Variants in CNNM2 observed in about 807,000 individuals in gnomAD.
CNNM2 encodes the protein cyclin and CBS domain divalent metal cation transport mediator 2.
In CNNM2, 12 loss-of-function variants were observed where a neutral mutation model predicts 66.9. That is an observed-to-expected ratio of 0.18 (90% confidence interval 0.11 to 0.29). The LOEUF (loss-of-function observed/expected upper bound fraction) is 0.29. CNNM2 is among the 10% of genes least tolerant of loss of function. The probability of loss-of-function intolerance (pLI) is 1.00; values close to 1 mark genes in which losing one functional copy is unlikely to be tolerated. For missense variants in CNNM2, 705 were observed against 1,167.7 expected (o/e 0.60, Z 5.77); for synonymous variants, 557 against 501.8 (o/e 1.11, Z -1.47).
intron 1 of CNNM2, among the ~76,000 whole-genome samples, chr10:102,936,302 TG>T (rs1303410466): frequency 2.0e-5 from 3 of 152,224 alleles, no homozygotes; most frequent in African/African-American, 7.2e-5. Flanking sequence ...CAAGATAGCA[TG>T]CTTTCTTATC....
intron 1 of CNNM2, among the ~76,000 whole-genome samples, chr10:103,014,919 C>T (rs1161093697): frequency 6.6e-6 from 1 of 151,932 alleles, no homozygotes; most frequent in Non-Finnish European, 1.5e-5. Context: ...ATAAACTTGA[C>T]TAGAATTCCT....
At position 102,919,601 on chromosome 10, in the gene CNNM2, A is replaced by G; in HGVS notation, c.1121A>G (p.Asn374Ser). 2 of 1,613,800 alleles carry G rather than the reference A, an allele frequency of 1.2e-6. No homozygotes were observed. Among genetic ancestry groups the G allele is most frequent in the Non-Finnish European group, 1.7e-6 (2 of 1,180,036 alleles). The stretch of plus-strand genomic sequence containing the variant: ...CGGCATGGCCTGGCTGTGGGGGCCA[A>G]CACCATCTTCCTCACCAAGTTTTTC... ...CSRHGLAVGA[N>S]TIFLTKFFMM... is the part of the protein sequence containing the mutation. The change falls in exon 1 of 8, where the codon AAC (asparagine) becomes AGC (serine). Residue 374 changes from asparagine (N) to serine (S), a missense_variant. Physicochemically the swap from Asn to Ser is conservative, Grantham distance 46 (BLOSUM62 1). Coordinates refer to ENST00000369878, the MANE Select transcript of CNNM2 (RefSeq NM_017649.5).
Position 103,077,708 on chromosome 10 carries a change from G to A in CNNM2, c.*528G>A, listed in dbSNP as rs3740388. The A allele has an allele frequency of 4.1e-3, 642 of 157,568 alleles. 18 individuals carry two copies. In the East Asian group the frequency reaches 0.07, roughly 17 times the overall value. 9.8% of individuals were successfully genotyped at this position (157,568 alleles called of 1,614,324 possible). ...CCCAGTGGGCATCACCGTCGATCTC[G>A]CTGGCTGAATGAAGAAGACCGTGTT... On this transcript the variant is annotated 3_prime_UTR_variant, in exon 8 of 8. Coordinates refer to ENST00000369878, the MANE Select transcript of CNNM2 (RefSeq NM_017649.5).
At chr10:102,998,829 A>C (rs1400552211) in intron 1 of CNNM2, among the ~76,000 whole-genome samples, 1 of 152,146 alleles carries the variant, frequency 6.6e-6, no homozygotes, top group Non-Finnish European at 1.5e-5. Flanking sequence ...AAGACAAACA[A>C]AAAAACCTAT....
chr10:103,011,182 C>T (rs1278416172), intron 1 of CNNM2, among the ~76,000 whole-genome samples: 1 of 152,180 alleles, frequency 6.6e-6, no homozygotes, highest in Non-Finnish European at 1.5e-5. Flanking sequence ...CGGCCGGGCA[C>T]AGTGGCTCAT....
chr10:102,940,006 A>AC (rs1564813431), intron 1 of CNNM2, among the ~76,000 whole-genome samples: 10 of 119,340 alleles, frequency 8.4e-5, no homozygotes, highest in African/African-American at 2.1e-4. Flanking sequence ...ACAACAAAAA[A>AC]AAAACCGCCA....
intron 1 of CNNM2, among the ~76,000 whole-genome samples, chr10:102,999,165 G>T (rs2064064163): frequency 6.6e-6 from 1 of 151,722 alleles, no homozygotes; most frequent in South Asian, 2.1e-4. Context: ...CCGCCTCCTG[G>T]GTTCACGCCA....
chr10:103,035,250 T>C (rs1274953626), intron 1 of CNNM2, among the ~76,000 whole-genome samples: 1 of 152,138 alleles, frequency 6.6e-6, no homozygotes, highest in Non-Finnish European at 1.5e-5. Context: ...ACAGAAATAG[T>C]CTCATTGGTT....
At chr10:102,995,624 C>G (rs2063983019) in intron 1 of CNNM2, among the ~76,000 whole-genome samples, 1 of 145,986 alleles carries the variant, frequency 6.8e-6, no homozygotes. Flanking sequence ...TTAGATGCCC[C>G]TAGTTTACAA....
intron 1 of CNNM2, among the ~76,000 whole-genome samples, chr10:102,946,031 A>C (rs1196662312): frequency 6.6e-6 from 1 of 152,050 alleles, no homozygotes; most frequent in Non-Finnish European, 1.5e-5. Context: ...GCTTCCATAA[A>C]TATTTGATCT....
intron 1 of CNNM2, among the ~76,000 whole-genome samples, chr10:103,036,548 T>G (rs2064942492): frequency 6.6e-6 from 1 of 152,226 alleles, no homozygotes; most frequent in South Asian, 2.1e-4. Flanking sequence ...AAAATCATCC[T>G]GCCACAGGTG....
intron 2 of CNNM2, among the ~76,000 whole-genome samples, chr10:103,052,416 T>C (rs2065231122): frequency 6.6e-6 from 1 of 152,214 alleles, no homozygotes; most frequent in Admixed American, 6.5e-5. Context: ...TATACAAATG[T>C]TAGTTTAACT....
At chr10:102,974,362 C>T (rs1014923244) in intron 1 of CNNM2, among the ~76,000 whole-genome samples, 2 of 152,038 alleles carry the variant, frequency 1.3e-5, no homozygotes, top group African/African-American at 2.4e-5. Flanking sequence ...TTTGACTGGA[C>T]GAATGTAGAT....
intron 1 of CNNM2, among the ~76,000 whole-genome samples, chr10:102,995,293 A>G (rs892059177): frequency 3.5e-5 from 5 of 143,808 alleles, no homozygotes; most frequent in African/African-American, 1.3e-4. Context: ...GCTTACCACA[A>G]CCTCTGCCTC....
At chr10:103,014,559 G>A (rs562619546) in intron 1 of CNNM2, among the ~76,000 whole-genome samples, 2 of 152,134 alleles carry the variant, frequency 1.3e-5, no homozygotes, top group African/African-American at 2.4e-5. Context: ...TTTGGTCAGA[G>A]CTTAGCTTAT....
chr10:103,016,740 A>G (rs912777929), intron 1 of CNNM2, among the ~76,000 whole-genome samples: 5 of 152,176 alleles, frequency 3.3e-5, no homozygotes, highest in South Asian at 2.1e-4. Flanking sequence ...TGATCCTTCT[A>G]TAGTTCAAGC....
At chr10:103,072,716 A>C (rs2065611389) in intron 6 of CNNM2, among the ~76,000 whole-genome samples, 1 of 152,250 alleles carries the variant, frequency 6.6e-6, no homozygotes, top group African/African-American at 2.4e-5. Flanking sequence ...AGTTGGTAAC[A>C]CAATTTTCCT....
chr10:102,978,390 T>C (rs924535450), intron 1 of CNNM2, among the ~76,000 whole-genome samples: 2 of 152,084 alleles, frequency 1.3e-5, no homozygotes, highest in African/African-American at 4.8e-5. Context: ...CTGAATGTTA[T>C]CCTTTATGAC....
chr10:103,046,540 A>G (rs1360380405), intron 1 of CNNM2, among the ~76,000 whole-genome samples: 1 of 152,214 alleles, frequency 6.6e-6, no homozygotes, highest in African/African-American at 2.4e-5. Context: ...TGTGGGTTCT[A>G]TCTTTTGATA....
Sources: gnomAD v4.1 joint callset for allele counts (sites outside exome capture counted in the v4.1 genomes callset) on GRCh38, gnomAD v4.1.1 for gene constraint, MANE v1.5 for transcripts, NCBI Gene and HGNC (gene_info 2026-07-23, HGNC 2026-07-21) for gene names.